The following SLC20A2 variants were observed in gnomAD, a reference collection of about 807,000 sequenced individuals.
SLC20A2 encodes the protein solute carrier family 20 member 2.
Under a neutral mutation model 61.0 loss-of-function variants are expected in SLC20A2, and 30 were observed. The observed-to-expected ratio is 0.49, with a 90% CI of 0.37 to 0.67. The LOEUF is 0.67. Ranked by LOEUF, SLC20A2 falls within the 30% of genes least tolerant of loss-of-function variation. SLC20A2 has a pLI of 0.00. For synonymous variants in SLC20A2, 351 were observed against 353.3 expected, an observed-to-expected ratio of 0.99 and a Z score of 0.07; for missense variants, 626 against 866.4, an observed-to-expected ratio of 0.72 and a Z score of 3.48.
chr8:42,496,910 C>G (rs569381816), intron 1 of SLC20A2, among the ~76,000 whole-genome samples: 3 of 152,208 alleles, frequency 2.0e-5, no homozygotes, highest in African/African-American at 4.8e-5. Flanking sequence ...CCCCACCCCC[C>G]ATATGGGCTA....
At chr8:42,510,695 A>C (rs1441202516) in intron 1 of SLC20A2, among the ~76,000 whole-genome samples, 1 of 152,110 alleles carries the variant, frequency 6.6e-6, no homozygotes, top group Non-Finnish European at 1.5e-5. Context: ...GGTTCAGTCA[A>C]ACTGAACCAA....
chr8:42,423,934 A>G (rs1226188811), intron 10 of SLC20A2, among the ~76,000 whole-genome samples: 1 of 152,366 alleles, frequency 6.6e-6, no homozygotes, highest in East Asian at 1.9e-4. Flanking sequence ...AACAAGAATT[A>G]GAAATTAAAT....
chr8:42,461,274 GAAC>G (rs2131165320), intron 4 of SLC20A2, among the ~76,000 whole-genome samples: 1 of 152,236 alleles, frequency 6.6e-6, no homozygotes, highest in Non-Finnish European at 1.5e-5. Context: ...CACGTGAAAA[GAAC>G]CCAGGATGAA....
At chr8:42,458,942 C>A (rs1284218200) in intron 5 of SLC20A2, among the ~76,000 whole-genome samples, 5 of 119,170 alleles carry the variant, frequency 4.2e-5, no homozygotes, top group South Asian at 3.0e-4. Flanking sequence ...AATTTTTAAC[C>A]CCCCCCCCCA....
intron 1 of SLC20A2, among the ~76,000 whole-genome samples, chr8:42,513,931 C>G (rs1447602835): frequency 6.6e-6 from 1 of 152,106 alleles, no homozygotes; most frequent in African/African-American, 2.4e-5. Context: ...GTAGCATGTT[C>G]TGGGAATAGC....
rs147823309 is a variant in SLC20A2 at position 42,498,056 on chromosome 8, T to C, written c.-265+2975A>G. On this transcript the variant is annotated intron_variant, in intron 1 of 10. Coordinates refer to ENST00000520262, the MANE Select transcript of SLC20A2 (RefSeq NM_001257180.2). The stretch of plus-strand genomic sequence containing the variant: ...GTGCAGGGTTAAGTAACTTGTTGAA[T>C]TGCAAACCAGTTCAGGAAGGGAGAA... Among the ~76,000 whole-genome samples the C allele has an allele frequency of 5.3e-5, 8 of 152,334 alleles. No homozygotes were observed. The South Asian group carries it at 1.2e-3, about 24-fold the overall frequency.
chr8:42,480,595 G>A (rs1206125057), intron 1 of SLC20A2: 1 of 151,996 alleles, frequency 6.6e-6, no homozygotes, highest in African/African-American at 2.4e-5. Flanking sequence ...GTCTAGTATT[G>A]GAGCACTTGG....
intron 1 of SLC20A2, among the ~76,000 whole-genome samples, chr8:42,534,109 G>A (rs1047901753): frequency 2.0e-5 from 3 of 151,822 alleles, no homozygotes; most frequent in Non-Finnish European, 2.9e-5. Flanking sequence ...CTGAGGTTGC[G>A]AGTTCAAGAC....
In SLC20A2 at chr8:42,429,646, G is replaced by C. The variant is rs560690325; in HGVS notation, c.1709+418C>G. Among the ~76,000 whole-genome samples the C allele has an allele frequency of 5.3e-5, 8 of 152,342 alleles. No homozygotes were observed. The South Asian group carries it at 1.7e-3, about 32-fold the overall frequency. On this transcript the variant is annotated intron_variant, in intron 9 of 10. Transcript: ENST00000520262. ...GGCGCCTCCCTGTCTGGCAGAGCAA[G>C]AGGAAAGTAACCCCAGCAGGGTGGT...
At chr8:42,491,015 AC>A (rs1809470646) in intron 1 of SLC20A2, among the ~76,000 whole-genome samples, 1 of 152,262 alleles carries the variant, frequency 6.6e-6, no homozygotes. Context: ...AAACAAAAAA[AC>A]AAGTAAACAA....
intron 9 of SLC20A2, 91 bp downstream of exon 9, chr8:42,429,973 T>C: frequency 8.6e-7 from 1 of 1,160,106 alleles, no homozygotes; most frequent in South Asian, 1.7e-5. Flanking sequence ...CAACTGCCAG[T>C]GCTGAGCAGG....
chr8:42,524,753 TC>T, intron 1 of SLC20A2, among the ~76,000 whole-genome samples: 1 of 151,664 alleles, frequency 6.6e-6, no homozygotes, highest in Non-Finnish European at 1.5e-5. Flanking sequence ...GCCATTGCAC[TC>T]CAGCTTAAGC....
chr8:42,479,270 A>G (rs866584549), intron 1 of SLC20A2, among the ~76,000 whole-genome samples: 4 of 152,304 alleles, frequency 2.6e-5, no homozygotes, highest in Middle Eastern at 3.4e-3. Context: ...CCACAGACTG[A>G]ACATCCTTTA....
chr8:42,451,585 G>A (rs1157044552), intron 5 of SLC20A2, among the ~76,000 whole-genome samples: 3 of 135,166 alleles, frequency 2.2e-5, no homozygotes, highest in Non-Finnish European at 4.8e-5. Flanking sequence ...AAGAGGAAGA[G>A]GAAGAGATGG....
intron 1 of SLC20A2, among the ~76,000 whole-genome samples, chr8:42,532,428 A>C (rs1368787897): frequency 1.3e-5 from 2 of 152,154 alleles, no homozygotes; most frequent in African/African-American, 4.8e-5. Context: ...CAAACTCTTA[A>C]ATAAAGGGCT....
chr8:42,503,264 T>C (rs1471361588), upstream of SLC20A2, among the ~76,000 whole-genome samples: 4 of 152,230 alleles, frequency 2.6e-5, no homozygotes, highest in Admixed American at 6.5e-5. Flanking sequence ...CTAGGTATAC[T>C]TATGACAGTA....
At chr8:42,522,680 C>CA (rs1167375865) in intron 1 of SLC20A2, among the ~76,000 whole-genome samples, 25,750 of 113,674 alleles carry the variant, frequency 0.23, 7,471 homozygotes, top group South Asian at 0.4. Context: ...GACTCCATCT[C>CA]AAAAAAAAAG....
chr8:42,445,245 T>G (rs1053159264), intron 5 of SLC20A2, among the ~76,000 whole-genome samples: 5 of 151,884 alleles, frequency 3.3e-5, no homozygotes, highest in African/African-American at 1.2e-4. Context: ...TGAGCCGAGA[T>G]TGCACCACTG....
intron 1 of SLC20A2, among the ~76,000 whole-genome samples, chr8:42,483,023 G>A (rs1206090963): frequency 6.6e-6 from 1 of 150,572 alleles, no homozygotes; most frequent in Non-Finnish European, 1.5e-5. Flanking sequence ...TCCAGCCTGG[G>A]CAACAAGAGC....
Sources: gnomAD v4.1 joint callset for allele counts (sites outside exome capture counted in the v4.1 genomes callset) on GRCh38, gnomAD v4.1.1 for gene constraint, MANE v1.5 for transcripts, NCBI Gene and HGNC (gene_info 2026-07-23, HGNC 2026-07-21) for gene names.